CDH12: variants seen among roughly 807,000 people sequenced by gnomAD.
The protein encoded by CDH12 is cadherin 12, also known as cadherin-12.
A neutral mutation model predicts 74.1 loss-of-function variants in CDH12; 41 were observed. That is an observed-to-expected ratio of 0.55 (90% confidence interval 0.43 to 0.72). CDH12 has a LOEUF of 0.72. Ranked by LOEUF, CDH12 falls within the 30% of genes least tolerant of loss-of-function variation. The pLI is 0.00. For synonymous variants in CDH12, 399 were observed against 355.0 expected, an observed-to-expected ratio of 1.12 and a Z score of -1.39; for missense variants, 945 against 977.2, an observed-to-expected ratio of 0.97 and a Z score of 0.44.
chr5:22,078,926 C>T (rs908262827), intron 4 of CDH12, 64 bp from the exon 5 acceptor site: 119 of 812,394 alleles, frequency 1.5e-4, no homozygotes, highest in Middle Eastern at 9.4e-4. Flanking sequence ...TTCATCACAA[C>T]GCTCATTATA....
intron 6 of CDH12, among the ~76,000 whole-genome samples, chr5:21,879,402 G>T (rs56159009): frequency 6.7e-6 from 1 of 150,102 alleles, no homozygotes; most frequent in Non-Finnish European, 1.5e-5. Context: ...ACTTAACCTA[G>T]TGCCTCCACA....
At chr5:22,457,044 A>G (rs1280561313) in intron 2 of CDH12, among the ~76,000 whole-genome samples, 1 of 152,160 alleles carries the variant, frequency 6.6e-6, no homozygotes, top group Admixed American at 6.5e-5. Flanking sequence ...TTTTCCTGAC[A>G]TGAAAGCAAT....
intron 5 of CDH12, among the ~76,000 whole-genome samples, chr5:21,981,801 A>G (rs1757317420): frequency 1.3e-5 from 2 of 151,972 alleles, no homozygotes; most frequent in South Asian, 4.1e-4. Flanking sequence ...CCTGAATAGC[A>G]GGGATTACAG....
intron 1 of CDH12, among the ~76,000 whole-genome samples, chr5:22,585,399 G>C (rs763392531): frequency 2.6e-4 from 40 of 152,022 alleles, no homozygotes; most frequent in Non-Finnish European, 3.8e-4. Flanking sequence ...TATACTGTTT[G>C]AGATTTGTGG....
At chr5:22,041,057 G>T (rs532367856) in intron 5 of CDH12, among the ~76,000 whole-genome samples, 1 of 152,008 alleles carries the variant, frequency 6.6e-6, no homozygotes, top group East Asian at 1.9e-4. Flanking sequence ...TAAAATATAG[G>T]GGGAAAGGTA....
chr5:22,174,869 T>C (rs541194765), intron 4 of CDH12, among the ~76,000 whole-genome samples: 1 of 151,992 alleles, frequency 6.6e-6, no homozygotes, highest in Non-Finnish European at 1.5e-5. Flanking sequence ...AAGAACTGTC[T>C]TTAAATTGTA....
chr5:22,503,759 G>A (rs1049380356), intron 2 of CDH12, among the ~76,000 whole-genome samples: 8 of 151,978 alleles, frequency 5.3e-5, no homozygotes, highest in Non-Finnish European at 8.8e-5. Flanking sequence ...AGGACATTTG[G>A]GAGGAGTATG....
rs200272304 is a variant in CDH12 at position 22,497,962 on chromosome 5, C to A, written c.-428+7308G>T. Among the ~76,000 whole-genome samples, 15 of 152,050 alleles carry A rather than the reference C, an allele frequency of 9.9e-5. No individual in the cohort carries two copies. The East Asian group carries it at 2.9e-3, about 30-fold the overall frequency. On this transcript the variant is annotated intron_variant, in intron 2 of 14. Coordinates refer to ENST00000382254, the MANE Select transcript of CDH12 (RefSeq NM_004061.5). Reference sequence around the variant, plus strand: ...GCCACCGTGCCCAGCTGAACCTCTTCTATAATCTTTCTCCACTCTCTACAA... The same window carrying A: ...GCCACCGTGCCCAGCTGAACCTCTTATATAATCTTTCTCCACTCTCTACAA...
At chr5:21,935,790 C>T (rs1189557962) in intron 6 of CDH12, among the ~76,000 whole-genome samples, 1 of 152,164 alleles carries the variant, frequency 6.6e-6, no homozygotes, top group Non-Finnish European at 1.5e-5. Context: ...TGTTTATCTC[C>T]ATGAGTTCAA....
chr5:21,769,664 C>T (rs1466833249), intron 11 of CDH12, among the ~76,000 whole-genome samples: 1 of 152,024 alleles, frequency 6.6e-6, no homozygotes, highest in Non-Finnish European at 1.5e-5. Context: ...ACCATTGCAA[C>T]TTTTGATAAA....
At chr5:22,117,876 T>A (rs1216518739) in intron 4 of CDH12, among the ~76,000 whole-genome samples, 2 of 151,932 alleles carry the variant, frequency 1.3e-5, no homozygotes, top group Admixed American at 6.6e-5. Context: ...TAGAGTAGAC[T>A]TAACATAGAT....
chr5:22,533,407 C>A (rs892947140), intron 1 of CDH12, among the ~76,000 whole-genome samples: 11 of 152,234 alleles, frequency 7.2e-5, no homozygotes, highest in Non-Finnish European at 7.4e-5. Context: ...TAAAAAAATT[C>A]TCTGTAGTTT....
At chr5:21,910,334 C>T (rs1026734242) in intron 6 of CDH12, among the ~76,000 whole-genome samples, 6 of 152,122 alleles carry the variant, frequency 3.9e-5, no homozygotes, top group Admixed American at 3.3e-4. Context: ...AGGATGTCAT[C>T]GGGACCCATG....
At chr5:22,827,772 A>T (rs1736410138) in intron 1 of CDH12, among the ~76,000 whole-genome samples, 1 of 152,218 alleles carries the variant, frequency 6.6e-6, no homozygotes, top group South Asian at 2.1e-4. Flanking sequence ...AAGAAGTAAG[A>T]GAATGATAAC....
At chr5:22,390,105 C>T (rs1663319) in intron 3 of CDH12, among the ~76,000 whole-genome samples, 1 of 151,862 alleles carries the variant, frequency 6.6e-6, no homozygotes, top group Non-Finnish European at 1.5e-5. Flanking sequence ...CAAACATCAT[C>T]TAGGTATTTT....
At chr5:22,428,076 C>G (rs1158977711) in intron 2 of CDH12, among the ~76,000 whole-genome samples, 1 of 152,044 alleles carries the variant, frequency 6.6e-6, no homozygotes, top group Non-Finnish European at 1.5e-5. Context: ...TCAGTGGTTA[C>G]ATTGAAGAGC....
intron 1 of CDH12, among the ~76,000 whole-genome samples, chr5:22,742,593 T>G (rs956854205): frequency 2.6e-5 from 4 of 152,170 alleles, no homozygotes; most frequent in African/African-American, 9.6e-5. Context: ...CTCCATTTTC[T>G]ACCTTTGACA....
chr5:22,257,020 T>G lies in CDH12; in HGVS notation c.-332-44377A>C, dbSNP rs368018341. Reference sequence around the variant, plus strand: ...AAAAAGAATGAGATAATGTCCTTTGTAGGGACATGGTTGGAACTAGAGGCT... The same window carrying G: ...AAAAAGAATGAGATAATGTCCTTTGGAGGGACATGGTTGGAACTAGAGGCT... On this transcript the variant is annotated intron_variant, in intron 3 of 14. Transcript: ENST00000382254. Among the ~76,000 whole-genome samples the G allele has an allele frequency of 6.6e-5, 10 of 152,222 alleles. No homozygotes were observed. In the East Asian group the frequency reaches 1.5e-3, roughly 24 times the overall value.
intron 3 of CDH12, among the ~76,000 whole-genome samples, chr5:22,215,796 T>C (rs1161671155): frequency 6.6e-6 from 1 of 152,146 alleles, no homozygotes; most frequent in Non-Finnish European, 1.5e-5. Context: ...AAAAGTCACA[T>C]GAATCCTATC....
Sources: gnomAD v4.1 joint callset for allele counts (sites outside exome capture counted in the v4.1 genomes callset) on GRCh38, gnomAD v4.1.1 for gene constraint, MANE v1.5 for transcripts, NCBI Gene and HGNC (gene_info 2026-07-23, HGNC 2026-07-21) for gene names.